SIMC1: variants seen among roughly 807,000 people sequenced by gnomAD.
The protein encoded by SIMC1 is SUMO interacting motifs containing 1, also known as SUMO-interacting motif-containing protein 1.
In SIMC1, 55 loss-of-function variants were observed where a neutral mutation model predicts 82.3. That is an observed-to-expected ratio of 0.67 (90% CI 0.54 to 0.84). The LOEUF is 0.84. Among genes scored for constraint, SIMC1 ranks in the 40% least tolerant of loss-of-function variants. The pLI is 0.00. For missense variants in SIMC1, 915 were observed against 1,107.2 expected (o/e 0.83, Z 2.46); for synonymous variants, 353 against 426.3 (o/e 0.83, Z 2.12).
rs186712328 is a variant in SIMC1 at position 176,293,947 on chromosome 5, G to A, written c.1432-1083G>A. ...AAAATCACTTTTCACATATTCTCTC[G>A]CAGTCTTTATATACATATTTTTTGG... On this transcript the variant is annotated intron_variant, in intron 2 of 9. Coordinates refer to ENST00000429602, the MANE Select transcript of SIMC1 (RefSeq NM_001308195.2). 1.7e-3 allele frequency among the ~76,000 whole-genome samples: 260 copies of A among 151,834 alleles called. 1 individual carries two copies. The highest frequency in any genetic ancestry group is 5.6e-3 in the African/African-American group (232 of 41,428).
rs777929758 is a variant in SIMC1 at position 176,324,740 on chromosome 5, T to G, written c.2154T>G (p.Ile718Met). 2.3e-5 allele frequency: 36 copies of G among 1,597,040 alleles called. No individual in the cohort carries two copies. The highest frequency in any genetic ancestry group is 3.0e-5 in the Non-Finnish European group (35 of 1,171,536). Residue 718 changes from isoleucine (I) to methionine (M), a missense_variant, in exon 7 of 10, where the codon ATT becomes ATG. By Grantham distance (10) the Ile-to-Met change is conservative (BLOSUM62 1). Coordinates refer to ENST00000429602, the MANE Select transcript of SIMC1 (RefSeq NM_001308195.2). Reference protein sequence around the residue: ...AEMMFGFVLDIPERSQREMFF... With the variant: ...AEMMFGFVLDMPERSQREMFF... ...TGATGTTTGGGTTTGTGCTGGACAT[T>G]CCTGAGAGGAGCCAGAGGTGAGTCT...
intron 4 of SIMC1, among the ~76,000 whole-genome samples, chr5:176,306,260 C>T (rs1287281328): frequency 2.6e-5 from 3 of 115,618 alleles, no homozygotes; most frequent in South Asian, 3.0e-4. Flanking sequence ...CCCCTCTGCC[C>T]GGCCAGCCGC....
intron 1 of SIMC1, among the ~76,000 whole-genome samples, chr5:176,258,933 G>C (rs889213870): frequency 6.6e-6 from 1 of 151,334 alleles, no homozygotes; most frequent in African/African-American, 2.4e-5. Flanking sequence ...TTTTGTATTA[G>C]CTAATTTGTA....
At chr5:176,344,670 G>A (rs1362463956) in intron 9 of SIMC1, among the ~76,000 whole-genome samples, 2 of 152,144 alleles carry the variant, frequency 1.3e-5, no homozygotes, top group Non-Finnish European at 2.9e-5. Context: ...TAAAGAGTGA[G>A]GAGGTGCTAC....
At chr5:176,300,716 C>T (rs1354765538) in intron 4 of SIMC1, among the ~76,000 whole-genome samples, 1 of 151,984 alleles carries the variant, frequency 6.6e-6, no homozygotes, top group East Asian at 1.9e-4. Context: ...GCATTGATAG[C>T]TCAGTGATAG....
At chr5:176,246,024 T>A (rs1244063053) in intron 1 of SIMC1, among the ~76,000 whole-genome samples, 1 of 151,182 alleles carries the variant, frequency 6.6e-6, no homozygotes, top group Non-Finnish European at 1.5e-5. Context: ...TTTTTTTTTT[T>A]TTTTGAGACG....
intron 7 of SIMC1, among the ~76,000 whole-genome samples, chr5:176,331,701 G>A (rs1479609193): frequency 6.6e-6 from 1 of 151,670 alleles, no homozygotes; most frequent in Non-Finnish European, 1.5e-5. Context: ...GATGCAGTTG[G>A]CTCATGCCTG....
intron 4 of SIMC1, chr5:176,308,367 A>G: frequency 6.4e-7 from 1 of 1,565,090 alleles, no homozygotes; most frequent in Non-Finnish European, 8.8e-7. Context: ...TGCAGCTTCA[A>G]CAGAGGCAGA....
chr5:176,324,835 ATTAAC>A, intron 7 of SIMC1, 78 bp downstream of exon 7: 1 of 1,460,528 alleles, frequency 6.8e-7, no homozygotes, highest in Non-Finnish European at 9.1e-7. Flanking sequence ...TTTTTATTAA[ATTAAC>A]TTTTCTATCT....
At chr5:176,294,707 A>G (rs1378247473) in intron 2 of SIMC1, among the ~76,000 whole-genome samples, 2 of 151,884 alleles carry the variant, frequency 1.3e-5, no homozygotes, top group Non-Finnish European at 1.5e-5. Context: ...TCACACCTGT[A>G]ATCCCAGCAC....
chr5:176,256,167 A>G (rs2650284), intron 1 of SIMC1, among the ~76,000 whole-genome samples: 77,495 of 151,952 alleles, frequency 0.51, 20,942 homozygotes, highest in Middle Eastern at 0.61. Context: ...ACTTCAGAAG[A>G]TAGTTGAAAA....
At chr5:176,324,333 A>G (rs1456307973) in intron 6 of SIMC1, among the ~76,000 whole-genome samples, 1 of 152,164 alleles carries the variant, frequency 6.6e-6, no homozygotes, top group Non-Finnish European at 1.5e-5. Flanking sequence ...AGTTCCCTAT[A>G]TCCTTAAGGT....
chr5:176,327,561 A>G (rs940197159), intron 7 of SIMC1, among the ~76,000 whole-genome samples: 3 of 152,130 alleles, frequency 2.0e-5, no homozygotes, highest in Non-Finnish European at 2.9e-5. Flanking sequence ...TATCCTTCCC[A>G]ATCTGTGTAT....
rs567370822 is a variant in SIMC1 at position 176,301,776 on chromosome 5, C to T, written c.1734+5456C>T. Among the ~76,000 whole-genome samples, 4 of 139,004 alleles carry T rather than the reference C, an allele frequency of 2.9e-5. No individual in the cohort carries two copies. The South Asian group carries it at 9.4e-4, about 33-fold the overall frequency. The allele number at this position is 139,004 out of a possible 152,430, so 91.2% of individuals were successfully genotyped here. On this transcript the variant is annotated intron_variant, in intron 4 of 9. Transcript: ENST00000429602. The stretch of plus-strand genomic sequence containing the variant: ...CCTGGGCGATAGAGCGAGACTCTGT[C>T]TCAAAAAAAAAAAAAAAGGAAAAGT...
chr5:176,337,030 T>C, intron 8 of SIMC1, 32 bp from the exon 9 acceptor site: 6 of 1,610,624 alleles, frequency 3.7e-6, no homozygotes, highest in Non-Finnish European at 5.1e-6. Context: ...GGGGAAGGCA[T>C]TTATTATCAA....
chr5:176,295,270 C>T lies in SIMC1; in HGVS notation c.1664+8C>T, dbSNP rs574815630. 1 of 1,607,934 alleles carries T rather than the reference C, an allele frequency of 6.2e-7. No individual in the cohort carries two copies. Among genetic ancestry groups the T allele is most frequent in the African/African-American group, 1.3e-5 (1 of 74,954 alleles). On this transcript the variant is annotated splice_region_variant and intron_variant, in intron 3 of 9. Transcript: ENST00000429602. Reference sequence around the variant, plus strand: ...TCTCATGAAAATTCAACAGTATGAACCGTAACCTCTGGCTGTTGGCGAATC... The same window carrying T: ...TCTCATGAAAATTCAACAGTATGAATCGTAACCTCTGGCTGTTGGCGAATC...
chr5:176,248,961 G>A lies in SIMC1; in HGVS notation c.129+10324G>A, dbSNP rs112816292. ...TCCCAGGGATGAAGCCAATTTGATC[G>A]TGGTGGATAAGCTTTTTGATGTGCT... is the stretch of plus-strand genomic sequence containing the variant. On this transcript the variant is annotated intron_variant, in intron 1 of 9. Coordinates refer to ENST00000429602, the MANE Select transcript of SIMC1 (RefSeq NM_001308195.2). Among the ~76,000 whole-genome samples the A allele has an allele frequency of 2.6e-5, 4 of 152,206 alleles. 1 individual carries two copies. The highest frequency in any genetic ancestry group is 7.2e-5 in the African/African-American group (3 of 41,524).
intron 1 of SIMC1, among the ~76,000 whole-genome samples, chr5:176,277,586 A>C (rs140753856): frequency 6.6e-6 from 1 of 151,962 alleles, no homozygotes; most frequent in Non-Finnish European, 1.5e-5. Flanking sequence ...TTTTAGGTCT[A>C]ACGTTTAAGT....
intron 7 of SIMC1, among the ~76,000 whole-genome samples, chr5:176,336,094 G>A (rs1765879597): frequency 6.6e-6 from 1 of 151,586 alleles, no homozygotes; most frequent in Non-Finnish European, 1.5e-5. Context: ...GGCAGGGAGG[G>A]GGAGAGAGAG....
Sources: gnomAD v4.1 joint callset for allele counts (sites outside exome capture counted in the v4.1 genomes callset) on GRCh38, gnomAD v4.1.1 for gene constraint, MANE v1.5 for transcripts, NCBI Gene and HGNC (gene_info 2026-07-23, HGNC 2026-07-21) for gene names.